The following OCIAD1 variants were observed in gnomAD, a reference collection of about 807,000 sequenced individuals.
The protein encoded by OCIAD1 is OCIA domain containing 1, also known as OCIA domain-containing protein 1.
OCIAD1 carries 29 observed loss-of-function variants against 38.9 expected under a neutral mutation model. That is an observed-to-expected ratio of 0.74 (90% CI 0.55 to 1.02). OCIAD1 has a LOEUF of 1.02. Among genes scored for constraint, OCIAD1 ranks in the 50% least tolerant of loss-of-function variants. The pLI is 0.00. For synonymous variants in OCIAD1, 110 were observed against 92.0 expected (o/e 1.20, Z -1.12); for missense variants, 288 against 289.6 (o/e 0.99, Z 0.04).
At chr4:48,806,775 G>A (rs569531653) in intron 1 of OCIAD1, among the ~76,000 whole-genome samples, 3 of 151,202 alleles carry the variant, frequency 2.0e-5, no homozygotes, top group South Asian at 4.2e-4. Context: ...CCAGCTAATT[G>A]TTGTATTTTT....
intron 5 of OCIAD1, 35 bp from the exon 6 acceptor site, chr4:48,849,912 T>G: frequency 6.4e-7 from 1 of 1,565,672 alleles, no homozygotes; most frequent in South Asian, 1.2e-5. Flanking sequence ...GAAAGGCACA[T>G]TCAGTTACAC....
At chr4:48,821,670 T>C (rs1228095019) in intron 1 of OCIAD1, among the ~76,000 whole-genome samples, 2 of 152,200 alleles carry the variant, frequency 1.3e-5, no homozygotes, top group Non-Finnish European at 2.9e-5. Context: ...CAAAAATTCT[T>C]AAGCTGATAA....
At chr4:48,840,598 G>C (rs1344575831) in intron 3 of OCIAD1, among the ~76,000 whole-genome samples, 3 of 152,106 alleles carry the variant, frequency 2.0e-5, no homozygotes, top group Admixed American at 6.5e-5. Flanking sequence ...TAATTACTTT[G>C]GTTCTTAAAT....
intron 4 of OCIAD1, among the ~76,000 whole-genome samples, chr4:48,843,165 T>C (rs1006297039): frequency 6.6e-6 from 1 of 152,134 alleles, no homozygotes; most frequent in Non-Finnish European, 1.5e-5. Flanking sequence ...ATCTCAGGGG[T>C]CTGGCAGGTG....
chr4:48,811,646 G>A lies in OCIAD1; in HGVS notation c.-103+6316G>A, dbSNP rs550543095. 4.3e-4 allele frequency among the ~76,000 whole-genome samples: 66 copies of A among 152,224 alleles called. 1 individual carries two copies. In the South Asian group the frequency reaches 0.014, roughly 32 times the overall value. On this transcript the variant is annotated intron_variant, in intron 1 of 6. Coordinates refer to the OCIAD1 transcript ENST00000504654. ...AGTCTGGGTAGCAGAGTGAGATCCT[G>A]TCTCAAAGTAATAATAACAATAATA...
rs572938064 is a variant in OCIAD1, at chr4:48,825,956, G to A, written c.-102-4621G>A. ...GGGTTCAAGCAATTCTTCTGCCTCA[G>A]CCTGTCAGTAGCTGGGATTACAGGC... is the stretch of plus-strand genomic sequence containing the variant. On this transcript the variant is annotated intron_variant, in intron 1 of 6. Transcript: ENST00000504654. Among the ~76,000 whole-genome samples the A allele has an allele frequency of 3.3e-5, 5 of 152,048 alleles. No homozygotes were observed. The South Asian group carries it at 8.3e-4, about 25-fold the overall frequency.
rs138971907 is a variant in OCIAD1 at position 48,852,668 on chromosome 4, A to G, written c.547+693A>G. Among the ~76,000 whole-genome samples, 54 of 152,240 alleles carry G rather than the reference A, an allele frequency of 3.5e-4. No homozygotes were observed. The East Asian group carries it at 9.8e-3, about 28-fold the overall frequency. On this transcript the variant is annotated intron_variant, in intron 7 of 8. Coordinates refer to ENST00000264312, the MANE Select transcript of OCIAD1 (RefSeq NM_017830.4). ...CAGTTTCTTGATCAGTTGAATGGAGATGATACTACCTCTCTTAATGAACTG... is the reference window on the plus strand; with the variant it reads ...CAGTTTCTTGATCAGTTGAATGGAGGTGATACTACCTCTCTTAATGAACTG...
upstream of OCIAD1, among the ~76,000 whole-genome samples, chr4:48,830,087 A>G (rs1276327367): frequency 6.6e-6 from 1 of 152,228 alleles, no homozygotes; most frequent in African/African-American, 2.4e-5. Context: ...CACTGAGGGC[A>G]AAGACCTCCA....
At chr4:48,831,446 A>T in intron 1 of OCIAD1, 197 bp downstream of exon 1, 1 of 1,256,502 alleles carries the variant, frequency 8.0e-7, no homozygotes, top group Non-Finnish European at 1.0e-6. Context: ...GAGCTGGGGA[A>T]GTTCGTGGTC....
chr4:48,840,794 C>T (rs866341854), intron 3 of OCIAD1, among the ~76,000 whole-genome samples: 3 of 143,466 alleles, frequency 2.1e-5, no homozygotes, highest in Non-Finnish European at 3.0e-5. Flanking sequence ...CCAAGGAGAT[C>T]GAGACCAGCC....
intron 1 of OCIAD1, among the ~76,000 whole-genome samples, chr4:48,805,865 A>C (rs944597033): frequency 3.9e-5 from 6 of 152,220 alleles, no homozygotes; most frequent in Non-Finnish European, 8.8e-5. Context: ...TAAATTAATG[A>C]TCTCTAGAAA....
In OCIAD1 at chr4:48,851,799, T is replaced by C; in HGVS notation, c.378-7T>C. On this transcript the variant is annotated splice_region_variant and splice_polypyrimidine_tract_variant and intron_variant, in intron 6 of 8. Coordinates refer to ENST00000264312, the MANE Select transcript of OCIAD1 (RefSeq NM_017830.4). ...ATTTCTTACTACAATATGATTTTCA[T>C]TTACAGGCACTATTATCAAAAGTCA... The C allele has an allele frequency of 6.4e-7, 1 of 1,552,944 alleles. No homozygotes were observed. The highest frequency in any genetic ancestry group is 8.9e-7 in the Non-Finnish European group (1 of 1,125,712).
chr4:48,826,535 T>G (rs1430765734), upstream of OCIAD1, among the ~76,000 whole-genome samples: 1 of 152,134 alleles, frequency 6.6e-6, no homozygotes, highest in Non-Finnish European at 1.5e-5. Context: ...TTTTCAATTC[T>G]TCTCTTTAGT....
intron 1 of OCIAD1, among the ~76,000 whole-genome samples, chr4:48,814,892 A>G (rs1553893844): frequency 1.3e-5 from 2 of 152,212 alleles, no homozygotes; most frequent in South Asian, 2.1e-4. Context: ...GGGCTCCATG[A>G]TTTTATTGAT....
chr4:48,851,205 A>G (rs1192901222), intron 6 of OCIAD1, among the ~76,000 whole-genome samples: 1 of 152,232 alleles, frequency 6.6e-6, no homozygotes, highest in Non-Finnish European at 1.5e-5. Context: ...CCTGATTTAA[A>G]GTGCTTTTTC....
intron 3 of OCIAD1, among the ~76,000 whole-genome samples, chr4:48,841,400 G>A (rs1328091196): frequency 5.9e-5 from 9 of 152,282 alleles, no homozygotes; most frequent in Admixed American, 6.5e-5. Flanking sequence ...GAAGTCCGGC[G>A]GAAACCAGGT....
At chr4:48,857,968 A>G (rs1410172925) in intron 8 of OCIAD1, among the ~76,000 whole-genome samples, 2 of 152,156 alleles carry the variant, frequency 1.3e-5, no homozygotes, top group African/African-American at 2.4e-5. Context: ...AGCATGGCCA[A>G]CATGGCGATA....
intron 3 of OCIAD1, among the ~76,000 whole-genome samples, chr4:48,835,660 CCT>C (rs1425449197): frequency 6.6e-6 from 1 of 152,038 alleles, no homozygotes. Context: ...ATCTTGAACC[CCT>C]GAGTTCAAGC....
Position 48,860,310 on chromosome 4 carries a change from AT to A in OCIAD1, c.701-400del, listed in dbSNP as rs201518150. On this transcript the variant is annotated intron_variant, in intron 8 of 8. Transcript: ENST00000264312. Reference sequence around the variant, plus strand: ...AATGTTTGTTTTATTATTTCCCACTATTTTTTTTTTTTTTTGTATATGGCTT... The same window carrying A: ...AATGTTTGTTTTATTATTTCCCACTATTTTTTTTTTTTTTGTATATGGCTT... The A allele has an allele frequency of 6.2e-3, 853 of 137,890 alleles. 2 individuals carry two copies. Among genetic ancestry groups the A allele is most frequent in the African/African-American group, 0.012 (465 of 37,528 alleles). The allele number at this position is 137,890 out of a possible 1,614,324, so 8.5% of individuals were successfully genotyped here. A position where few individuals can be genotyped will look rare whatever the true frequency, so the allele number is the denominator to read the frequency against.
Sources: allele counts gnomAD v4.1 joint callset (sites outside exome capture counted in the v4.1 genomes callset), GRCh38; gene constraint gnomAD v4.1.1; transcripts MANE v1.5; gene names NCBI Gene and HGNC (gene_info 2026-07-23, HGNC 2026-07-21).